Variants in PRKACB observed in about 807,000 individuals in gnomAD.
The protein encoded by PRKACB is cAMP-dependent protein kinase catalytic subunit beta.
A neutral mutation model predicts 51.4 loss-of-function variants in PRKACB; 16 were observed. The observed-to-expected ratio is 0.31, with a 90% CI of 0.21 to 0.47. The LOEUF (loss-of-function observed/expected upper bound fraction) is 0.47, where lower values mean the gene tolerates loss of function less well. Among genes scored for constraint, PRKACB ranks in the 20% least tolerant of loss-of-function variants. PRKACB has a pLI of 1.00. For missense variants in PRKACB, 309 were observed against 464.5 expected, an observed-to-expected ratio of 0.67 and a Z score of 3.08; for synonymous variants, 147 against 154.4, an observed-to-expected ratio of 0.95 and a Z score of 0.35.
At chr1:84,124,619 T>A (rs1161800557) in intron 1 of PRKACB, among the ~76,000 whole-genome samples, 2 of 152,188 alleles carry the variant, frequency 1.3e-5, no homozygotes, top group African/African-American at 4.8e-5. Context: ...GCAACTACAC[T>A]AGCAGTCAAA....
In PRKACB at chr1:84,184,109, C is replaced by G; in HGVS notation, c.451C>G (p.Leu151Val). ...ATTACAGGCAGTGAATTTTCCTTTC[C>G]TTGTTCGACTGGAGTATGCTTTTAA... ...RILQAVNFPF[L>V]VRLEYAFKDN... Residue 151 changes from leucine to valine, a missense_variant, in exon 4 of 10, where the codon CTT (leucine) becomes GTT (valine). By Grantham distance (32) the Leu-to-Val change is conservative. Transcript: ENST00000370685. 1 of 1,603,412 alleles carries G rather than the reference C, an allele frequency of 6.2e-7. No individual in the cohort carries two copies. The highest frequency in any genetic ancestry group is 8.5e-7 in the Non-Finnish European group (1 of 1,174,568).
chr1:84,170,029 G>T (rs576842574), intron 1 of PRKACB, among the ~76,000 whole-genome samples: 1 of 151,664 alleles, frequency 6.6e-6, no homozygotes, highest in East Asian at 1.9e-4. Context: ...CCCTTTAAAT[G>T]AATACCTGAA....
chr1:84,156,252 C>T (rs1655487579), intron 1 of PRKACB, among the ~76,000 whole-genome samples: 2 of 152,010 alleles, frequency 1.3e-5, no homozygotes, highest in Non-Finnish European at 2.9e-5. Flanking sequence ...GTATTGGCCT[C>T]CTAAAGTGCT....
intron 8 of PRKACB, among the ~76,000 whole-genome samples, chr1:84,206,630 C>T (rs772222258): frequency 8.5e-5 from 13 of 152,286 alleles, no homozygotes; most frequent in Admixed American, 2.0e-4. Flanking sequence ...ATACTCAATG[C>T]CCAAAGTTTT....
intron 1 of PRKACB, among the ~76,000 whole-genome samples, chr1:84,134,347 TG>T (rs35087404): frequency 0.47 from 71,825 of 151,994 alleles, 17,720 homozygotes; most frequent in Non-Finnish European, 0.56. Flanking sequence ...GGGCCTTCGC[TG>T]GGGACCCTGC....
intron 1 of PRKACB, among the ~76,000 whole-genome samples, chr1:84,127,033 G>A (rs543743596): frequency 6.6e-6 from 1 of 152,024 alleles, no homozygotes; most frequent in South Asian, 2.1e-4. Flanking sequence ...TACTCTTTTT[G>A]CCTTATTCCT....
At chr1:84,182,403 A>G in intron 3 of PRKACB, 75 bp downstream of exon 3, 4 of 1,157,530 alleles carry the variant, frequency 3.5e-6, no homozygotes, top group Non-Finnish European at 4.6e-6. Context: ...CAGATTCAGT[A>G]TAATGACTTA....
At chr1:84,180,208 A>ATATG (rs933229907) in intron 2 of PRKACB, among the ~76,000 whole-genome samples, 16 of 129,934 alleles carry the variant, frequency 1.2e-4, no homozygotes, top group African/African-American at 4.3e-4. Flanking sequence ...ATATATATAT[A>ATATG]TGTATGATGG....
At chr1:84,141,107 T>C (rs1469507025), upstream of PRKACB, among the ~76,000 whole-genome samples, 1 of 152,140 alleles carries the variant, frequency 6.6e-6, no homozygotes, top group Non-Finnish European at 1.5e-5. Context: ...TGAAAATTTC[T>C]ATAATTTTAA....
intron 2 of PRKACB, among the ~76,000 whole-genome samples, chr1:84,179,960 G>T (rs542090710): frequency 7.0e-6 from 1 of 143,012 alleles, no homozygotes. Context: ...CCCACCCCGC[G>T]ACAGGCCCCG....
chr1:84,195,018 A>G (rs2101168434), intron 5 of PRKACB, among the ~76,000 whole-genome samples: 1 of 152,388 alleles, frequency 6.6e-6, no homozygotes, highest in South Asian at 2.1e-4. Context: ...AAAAGTAATC[A>G]TATTAATGAC....
At chr1:84,213,644 G>A (rs1359274764) in intron 8 of PRKACB, among the ~76,000 whole-genome samples, 1 of 152,118 alleles carries the variant, frequency 6.6e-6, no homozygotes, top group African/African-American at 2.4e-5. Flanking sequence ...AATGAAAAAT[G>A]TTTTCCTATA....
chr1:84,098,231 T>C (rs1345848561), intron 1 of PRKACB, among the ~76,000 whole-genome samples: 1 of 152,134 alleles, frequency 6.6e-6, no homozygotes, highest in East Asian at 1.9e-4. Flanking sequence ...GCAGAAATGT[T>C]ATACGTACGC....
At chr1:84,152,800 A>G (rs1421777285) in intron 1 of PRKACB, among the ~76,000 whole-genome samples, 1 of 152,188 alleles carries the variant, frequency 6.6e-6, no homozygotes, top group Non-Finnish European at 1.5e-5. Context: ...TATATCAACA[A>G]TAAGGCTGTT....
In PRKACB at chr1:84,237,388, A is replaced by G. The variant is rs1023695318; in HGVS notation, c.*2083A>G. On this transcript the variant is annotated 3_prime_UTR_variant, in exon 10 of 10. Coordinates refer to ENST00000370685, the MANE Select transcript of PRKACB (RefSeq NM_182948.4). ...TGGGGATGACAATTTGATTATTACA[A>G]TTTAGTTTTCAGTAATCAAAAAGAT... 6.6e-6 allele frequency: 1 copy of G among 152,580 alleles called. No homozygotes were observed. Among genetic ancestry groups the G allele is most frequent in the South Asian group, 2.1e-4 (1 of 4,838 alleles). The allele number at this position is 152,580 out of a possible 1,614,324, so 9.5% of individuals were successfully genotyped here.
At chr1:84,107,424 G>A (rs763910267) in intron 1 of PRKACB, among the ~76,000 whole-genome samples, 9 of 151,946 alleles carry the variant, frequency 5.9e-5, no homozygotes, top group Non-Finnish European at 1.3e-4. Context: ...ACATAAGAAC[G>A]GGCAAAAATT....
upstream of PRKACB, chr1:84,078,098 T>TCGCCGC (rs555766497): frequency 9.6e-3 from 4,033 of 419,680 alleles, 113 homozygotes; most frequent in African/African-American, 0.069. Context: ...GCCACCGCCG[T>TCGCCGC]CGCCGCCGCC....
At chr1:84,124,053 C>T (rs1375447448) in intron 1 of PRKACB, among the ~76,000 whole-genome samples, 1 of 152,002 alleles carries the variant, frequency 6.6e-6, no homozygotes, top group African/African-American at 2.4e-5. Context: ...TTTTAGATAC[C>T]TAAAGCTATC....
intron 1 of PRKACB, chr1:84,173,463 A>G (rs1021858888): frequency 3.5e-5 from 33 of 938,686 alleles, no homozygotes; most frequent in African/African-American, 3.0e-4. Context: ...AGTTTTTACA[A>G]TTCTGTTTAC....
Sources: gnomAD v4.1 joint callset for allele counts (sites outside exome capture counted in the v4.1 genomes callset) on GRCh38, gnomAD v4.1.1 for gene constraint, MANE v1.5 for transcripts, NCBI Gene and HGNC (gene_info 2026-07-23, HGNC 2026-07-21) for gene names.